DPP10: variants seen among roughly 807,000 people sequenced by gnomAD.
DPP10 encodes the protein inactive dipeptidyl peptidase 10.
In DPP10, 33 loss-of-function variants were observed where a neutral mutation model predicts 120.9. The observed-to-expected ratio is 0.27, with a 90% CI of 0.21 to 0.37. DPP10 has a LOEUF of 0.37. Ranked by LOEUF, DPP10 falls within the 10% of genes least tolerant of loss-of-function variation. DPP10 has a pLI of 1.00. For missense variants in DPP10, 816 were observed against 942.8 expected, an observed-to-expected ratio of 0.87 and a Z score of 1.76; for synonymous variants, 337 against 326.1, an observed-to-expected ratio of 1.03 and a Z score of -0.36.
chr2:115,591,139 G>A (rs1251927527), intron 5 of DPP10, among the ~76,000 whole-genome samples: 1 of 152,144 alleles, frequency 6.6e-6, no homozygotes, highest in Non-Finnish European at 1.5e-5. Flanking sequence ...TTCTTTTGCT[G>A]TGCAAAAGCT....
chr2:114,446,139 A>ATT (rs1677931256), intron 1 of DPP10, among the ~76,000 whole-genome samples: 1 of 152,212 alleles, frequency 6.6e-6, no homozygotes, highest in South Asian at 2.1e-4. Flanking sequence ...AATGTCCCCC[A>ATT]CCATGGGTAG....
chr2:115,033,615 C>A (rs191109929), intron 1 of DPP10, among the ~76,000 whole-genome samples: 2 of 151,700 alleles, frequency 1.3e-5, no homozygotes, highest in East Asian at 3.9e-4. Context: ...TAATAAATTT[C>A]TGATTTCTAG....
At chr2:115,149,833 G>A (rs540299188) in intron 1 of DPP10, among the ~76,000 whole-genome samples, 29 of 152,158 alleles carry the variant, frequency 1.9e-4, no homozygotes, top group East Asian at 3.9e-4. Context: ...AAAATTATTC[G>A]TTGTGTATCT....
intron 1 of DPP10, among the ~76,000 whole-genome samples, chr2:114,456,019 C>A (rs149657087): frequency 1.3e-5 from 2 of 152,282 alleles, no homozygotes; most frequent in African/African-American, 4.8e-5. Context: ...AAGGGTACTT[C>A]CTTCTAAAAT....
At chr2:115,805,560 G>T (rs1192945048) in intron 19 of DPP10, among the ~76,000 whole-genome samples, 3 of 149,238 alleles carry the variant, frequency 2.0e-5, no homozygotes, top group Non-Finnish European at 4.4e-5. Context: ...TTCCTATTCG[G>T]CCATCTTGGC....
At position 114,640,714 on chromosome 2, in the gene DPP10, G is replaced by A. The variant is rs370944503; in HGVS notation, c.60+197876G>A. Among the ~76,000 whole-genome samples the A allele has an allele frequency of 5.3e-5, 8 of 151,964 alleles. 1 individual carries two copies. The highest frequency in any genetic ancestry group is 2.1e-4 in the South Asian group (1 of 4,828). ...GATTGTCTTTCTACCAGTCAACCAC[G>A]CAAAGAAGGAGGGAGAAAACTCTTT... On this transcript the variant is annotated intron_variant, in intron 1 of 25. Transcript: ENST00000410059.
At chr2:115,559,685 T>C (rs112141688) in intron 5 of DPP10, among the ~76,000 whole-genome samples, 7,738 of 152,196 alleles carry the variant, frequency 0.051, 320 homozygotes, top group Middle Eastern at 0.082. Flanking sequence ...ATACATTTAT[T>C]TTCCAAATTA....
chr2:115,421,429 T>A (rs1559579492), intron 3 of DPP10, among the ~76,000 whole-genome samples: 1 of 152,142 alleles, frequency 6.6e-6, no homozygotes, highest in African/African-American at 2.4e-5. Context: ...CCTGCATATA[T>A]TCCTGGAGTG....
intron 3 of DPP10, among the ~76,000 whole-genome samples, chr2:115,388,389 A>C (rs1487563500): frequency 6.6e-6 from 1 of 152,202 alleles, no homozygotes; most frequent in Non-Finnish European, 1.5e-5. Context: ...CAGGAGAGCC[A>C]CCTGGCTGCA....
chr2:114,661,218 T>C (rs1697378312), intron 1 of DPP10, among the ~76,000 whole-genome samples: 1 of 152,222 alleles, frequency 6.6e-6, no homozygotes, highest in South Asian at 2.1e-4. Flanking sequence ...CTTCCACTCT[T>C]CCATGTTAAA....
chr2:114,550,533 G>T (rs1252241412), intron 1 of DPP10, among the ~76,000 whole-genome samples: 8 of 152,230 alleles, frequency 5.3e-5, no homozygotes, highest in Admixed American at 5.2e-4. Context: ...CCTGGCACCT[G>T]CTGGTGTGGA....
intron 4 of DPP10, among the ~76,000 whole-genome samples, chr2:115,517,752 AATG>A (rs1051968824): frequency 5.3e-5 from 8 of 152,204 alleles, no homozygotes; most frequent in African/African-American, 1.4e-4. Context: ...CAAGAGAGAA[AATG>A]ATAAGGATAG....
At chr2:115,465,561 GCCTGT>G (rs1400200745) in intron 3 of DPP10, among the ~76,000 whole-genome samples, 23 of 152,248 alleles carry the variant, frequency 1.5e-4, no homozygotes, top group African/African-American at 5.5e-4. Flanking sequence ...GGTGGCTCAC[GCCTGT>G]AATCCCAGTA....
At chr2:115,750,020 C>A in intron 10 of DPP10, 1 of 985,340 alleles carries the variant, frequency 1.0e-6, no homozygotes. Flanking sequence ...CGAGGACTTC[C>A]TGGGTAATCC....
At chr2:115,653,181 A>G (rs1030061038) in intron 5 of DPP10, among the ~76,000 whole-genome samples, 1 of 152,010 alleles carries the variant, frequency 6.6e-6, no homozygotes, top group Non-Finnish European at 1.5e-5. Flanking sequence ...ACAAAGTATA[A>G]GAAGCATTAA....
At chr2:114,557,926 T>C (rs997121768) in intron 1 of DPP10, among the ~76,000 whole-genome samples, 2 of 152,150 alleles carry the variant, frequency 1.3e-5, no homozygotes, top group African/African-American at 2.4e-5. Flanking sequence ...GAGTCTTGAA[T>C]TCTTTTTCCA....
In DPP10 at chr2:115,416,897, C is replaced by G. The variant is rs141652648; in HGVS notation, c.271+72985C>G. Among the ~76,000 whole-genome samples the G allele has an allele frequency of 2.6e-3, 403 of 152,194 alleles. 1 individual carries two copies. The highest frequency in any genetic ancestry group is 4.7e-3 in the Non-Finnish European group (318 of 68,012). On this transcript the variant is annotated intron_variant, in intron 3 of 25. Coordinates refer to ENST00000410059, the MANE Select transcript of DPP10 (RefSeq NM_020868.6). ...CTGAGAAGATTAATAGAATTCAGAC[C>G]TGAGAAGACCGCTCAAGTCAAGGGA...
chr2:114,690,116 G>C (rs1302311933), intron 1 of DPP10, among the ~76,000 whole-genome samples: 2 of 151,824 alleles, frequency 1.3e-5, no homozygotes, highest in East Asian at 3.9e-4. Context: ...TTTTGTTTTT[G>C]TTGCAATTGC....
chr2:115,365,401 A>T (rs1440872152), intron 3 of DPP10, among the ~76,000 whole-genome samples: 1 of 151,988 alleles, frequency 6.6e-6, no homozygotes, highest in Non-Finnish European at 1.5e-5. Context: ...GCCATCCTAG[A>T]TTCCAAGAAC....
Sources: gnomAD v4.1 joint callset for allele counts (sites outside exome capture counted in the v4.1 genomes callset) on GRCh38, gnomAD v4.1.1 for gene constraint, MANE v1.5 for transcripts, NCBI Gene and HGNC (gene_info 2026-07-23, HGNC 2026-07-21) for gene names.